Variants in VCF2 observed in about 807,000 individuals in gnomAD.
The protein encoded by VCF2 is protein VCF2.
the VCF2 span, chrX:55,143,895 G>A: frequency 1.9e-6 from 2 of 1,070,782 alleles, no homozygotes; most frequent in Non-Finnish European, 2.6e-6. Flanking sequence ...ACAGGACAGA[G>A]ATTGCATATT....
At chrX:55,160,108 C>T in the VCF2 span, among the ~76,000 whole-genome samples, 2 of 111,911 alleles carry the variant, frequency 1.8e-5, no homozygotes, top group Admixed American at 9.4e-5. Flanking sequence ...AAAACTGCTC[C>T]TATATTACAC....
the VCF2 span, among the ~76,000 whole-genome samples, chrX:55,154,021 C>G: frequency 8.9e-6 from 1 of 112,230 alleles, no homozygotes; most frequent in Non-Finnish European, 1.9e-5. Flanking sequence ...CTTAATGGAC[C>G]GTTTATCAGA....
chrX:55,143,412 G>C, the VCF2 span: 1 of 118,652 alleles, frequency 8.4e-6, no homozygotes, highest in African/African-American at 3.2e-5. Context: ...ATTGGAATTG[G>C]GACCATAGAT....
the VCF2 span, among the ~76,000 whole-genome samples, chrX:55,150,580 G>A: frequency 8.9e-6 from 1 of 111,970 alleles, no homozygotes; most frequent in Non-Finnish European, 1.9e-5. Flanking sequence ...TCTGGTATAT[G>A]TTATCAGTAG....
chrX:55,144,091 GT>G, the VCF2 span, among the ~76,000 whole-genome samples: 1 of 111,155 alleles, frequency 9.0e-6, no homozygotes, highest in Non-Finnish European at 1.9e-5. Flanking sequence ...CATGGTGACA[GT>G]TTTATCTTTG....
the VCF2 span, chrX:55,160,881 T>C: frequency 1.7e-6 from 2 of 1,157,438 alleles, no homozygotes; most frequent in South Asian, 1.9e-5. Flanking sequence ...AGAACCAGCA[T>C]GTTCTTTCGG....
chrX:55,155,103 A>G, the VCF2 span, among the ~76,000 whole-genome samples: 2,530 of 111,970 alleles, frequency 0.023, 72 homozygotes, highest in African/African-American at 0.078. Context: ...TAAGAGCACA[A>G]GCAAGCTGAA....
the VCF2 span, chrX:55,158,980 A>G: frequency 8.2e-5 from 31 of 380,183 alleles, no homozygotes; most frequent in Non-Finnish European, 1.2e-4. Flanking sequence ...CATAATTTAA[A>G]GCTCCAGCTC....
chrX:55,143,568 G>A, the VCF2 span: 4 of 261,952 alleles, frequency 1.5e-5, no homozygotes, highest in African/African-American at 5.6e-5. Flanking sequence ...AAACACAGGC[G>A]CAAATTCTGA....
At chrX:55,143,801 T>G in the VCF2 span, 3 of 1,204,704 alleles carry the variant, frequency 2.5e-6, no homozygotes, top group Non-Finnish European at 3.4e-6. Flanking sequence ...GTTCCTTCCC[T>G]GCTGTGAAGT....
chrX:55,152,113 G>A, the VCF2 span, among the ~76,000 whole-genome samples: 1 of 108,425 alleles, frequency 9.2e-6, no homozygotes, highest in South Asian at 4.1e-4. Context: ...GGATGGTCTC[G>A]ATCTCCTGAC....
At chrX:55,156,372 C>T in the VCF2 span, among the ~76,000 whole-genome samples, 1 of 111,913 alleles carries the variant, frequency 8.9e-6, no homozygotes, top group Middle Eastern at 4.6e-3. Flanking sequence ...ATAGTCTATC[C>T]CTGGAATAAT....
At chrX:55,156,955 G>C in the VCF2 span, among the ~76,000 whole-genome samples, 6 of 112,380 alleles carry the variant, frequency 5.3e-5, no homozygotes, top group East Asian at 1.7e-3. Flanking sequence ...TGTTTAGTAT[G>C]CTCCATGAAC....
chrX:55,151,488 A>C, the VCF2 span, among the ~76,000 whole-genome samples: 1 of 112,844 alleles, frequency 8.9e-6, no homozygotes, highest in Non-Finnish European at 1.9e-5. Flanking sequence ...AAGGCGTTGA[A>C]GTGTAATCTG....
the VCF2 span, chrX:55,161,161 C>A: frequency 3.3e-6 from 4 of 1,206,843 alleles, no homozygotes; most frequent in Non-Finnish European, 4.5e-6. Context: ...TCCCATAGTC[C>A]TGCCCTCGGA....
the VCF2 span, chrX:55,159,237 A>G: frequency 8.4e-7 from 1 of 1,184,000 alleles, no homozygotes; most frequent in Non-Finnish European, 1.1e-6. Context: ...TCCTGAAAAT[A>G]AATTGTAAAG....
the VCF2 span, chrX:55,143,826 C>T: frequency 1.1e-4 from 127 of 1,206,382 alleles, no homozygotes; most frequent in African/African-American, 1.5e-3. Context: ...AGTTTTATTT[C>T]AGGACCAAAG....
At chrX:55,154,757 A>G in the VCF2 span, among the ~76,000 whole-genome samples, 3 of 112,531 alleles carry the variant, frequency 2.7e-5, no homozygotes, top group African/African-American at 9.7e-5. Flanking sequence ...TCGTGTGCAT[A>G]TGCTGGGGCC....
chrX:55,151,934 C>G, the VCF2 span, among the ~76,000 whole-genome samples: 1 of 86,197 alleles, frequency 1.2e-5, no homozygotes, highest in African/African-American at 4.5e-5. Context: ...CTCTGTCGCC[C>G]AGGCTGGAGT....
Sources: gnomAD v4.1 joint callset for allele counts (sites outside exome capture counted in the v4.1 genomes callset) on GRCh38, gnomAD v4.1.1 for gene constraint, MANE v1.5 for transcripts, NCBI Gene and HGNC (gene_info 2026-07-23, HGNC 2026-07-21) for gene names.